Variants in PRSS3 observed in about 807,000 individuals in gnomAD.
PRSS3 encodes the protein trypsin-3.
PRSS3 carries 14 observed loss-of-function variants against 20.8 expected under a neutral mutation model. That is an observed-to-expected ratio of 0.67 (90% CI 0.44 to 1.05). The LOEUF (loss-of-function observed/expected upper bound fraction) is 1.05, where lower values mean the gene tolerates loss of function less well. PRSS3 is among the 50% of genes least tolerant of loss of function. PRSS3 has a pLI of 0.00. For synonymous variants in PRSS3, 91 were observed against 117.6 expected (o/e 0.77, Z 1.46); for missense variants, 237 against 306.4 (o/e 0.77, Z 1.69).
intron 1 of PRSS3, among the ~76,000 whole-genome samples, chr9:33,772,731 G>A (rs1298939369): frequency 1.3e-5 from 2 of 151,964 alleles, no homozygotes; most frequent in East Asian, 3.9e-4. Flanking sequence ...ATTCAAACAC[G>A]TGGTTGGAAC....
rs1372721083 is a variant in PRSS3 at position 33,750,712 on chromosome 9, G to A, written c.-68G>A. 1 of 1,447,312 alleles carries A rather than the reference G, an allele frequency of 6.9e-7. No individual in the cohort carries two copies. The highest frequency in any genetic ancestry group is 9.0e-7 in the Non-Finnish European group (1 of 1,106,002). The allele number at this position is 1,447,312 out of a possible 1,614,324, so 89.7% of individuals were successfully genotyped here. On this transcript the variant is annotated 5_prime_UTR_variant, in exon 1 of 6. Transcript: ENST00000342836. The surrounding 1 kb of genome is among the most constrained non-coding windows in gnomAD (Gnocchi z 4.8). The stretch of plus-strand genomic sequence containing the variant: ...AGCGGCGCGGGATGCAGACGGCTGC[G>A]AGGCGCTGGGCACAGGTCAGACGTC...
intron 1 of PRSS3, among the ~76,000 whole-genome samples, chr9:33,771,793 T>C (rs1432962442): frequency 6.6e-6 from 1 of 151,342 alleles, no homozygotes; most frequent in Non-Finnish European, 1.5e-5. Flanking sequence ...TCTTTTCTTT[T>C]CTTTTCTTTT....
chr9:33,798,647 AG>A (rs1825155218), intron 4 of PRSS3, 25 bp downstream of exon 4: 2 of 1,613,198 alleles, frequency 1.2e-6, no homozygotes, highest in South Asian at 2.2e-5. Flanking sequence ...TCCCATGCTG[AG>A]GCTCCCACCG....
chr9:33,756,148 A>G (rs1822935877), intron 1 of PRSS3, among the ~76,000 whole-genome samples: 1 of 152,180 alleles, frequency 6.6e-6, no homozygotes, highest in Non-Finnish European at 1.5e-5. Flanking sequence ...CTTCCTTCAC[A>G]CTTGATTGCT....
chr9:33,796,497 C>G, intron 1 of PRSS3, 146 bp from the exon 2 acceptor site: 2 of 1,289,926 alleles, frequency 1.6e-6, no homozygotes, highest in Non-Finnish European at 2.2e-6. Context: ...TCCAGTGATG[C>G]TCACCAGGGG....
chr9:33,757,567 G>A (rs555581573), intron 1 of PRSS3, among the ~76,000 whole-genome samples: 2 of 151,838 alleles, frequency 1.3e-5, no homozygotes, highest in African/African-American at 4.8e-5. Flanking sequence ...AGCTTCCTAA[G>A]GCCTCTCACT....
At chr9:33,793,797 G>C (rs1450902508), upstream of PRSS3, 1 of 779,636 alleles carries the variant, frequency 1.3e-6, no homozygotes, top group African/African-American at 1.9e-5. Flanking sequence ...TCTATAAATG[G>C]AAATAATTTT....
At chr9:33,752,002 T>G (rs1822722376) in intron 1 of PRSS3, among the ~76,000 whole-genome samples, 1 of 152,204 alleles carries the variant, frequency 6.6e-6, no homozygotes, top group South Asian at 2.1e-4. Context: ...CAGAGGTGCC[T>G]GAGATAAGCA....
chr9:33,775,273 A>AT (rs1563961528), intron 1 of PRSS3, among the ~76,000 whole-genome samples: 2 of 152,172 alleles, frequency 1.3e-5, no homozygotes, highest in Non-Finnish European at 2.9e-5. Context: ...AGCTCAGCCA[A>AT]TGACTTTTAA....
At chr9:33,771,873 CTT>C (rs74178902) in intron 1 of PRSS3, among the ~76,000 whole-genome samples, 10 of 128,288 alleles carry the variant, frequency 7.8e-5, no homozygotes, top group Admixed American at 1.6e-4. Context: ...TCTTTCTTTT[CTT>C]TTTTTTTTTT....
At chr9:33,781,630 C>A (rs1228577377) in intron 1 of PRSS3, among the ~76,000 whole-genome samples, 4 of 152,084 alleles carry the variant, frequency 2.6e-5, no homozygotes, top group African/African-American at 4.8e-5. Flanking sequence ...TTCATATGTA[C>A]CCTCTGTATA....
chr9:33,751,206 A>G (rs1450231447), intron 1 of PRSS3, among the ~76,000 whole-genome samples: 1 of 152,178 alleles, frequency 6.6e-6, no homozygotes, highest in Non-Finnish European at 1.5e-5. Flanking sequence ...CACAGCTCAC[A>G]TAGCTCTGGG....
Position 33,797,815 on chromosome 9 carries a change from G to A in PRSS3, c.201-14G>A, listed in dbSNP as rs772207503. ...GTGGGAGAAGGTCTTCACCATGCCT[G>A]CCCTGCCCATCAGCCGCATCCAGGT... On this transcript the variant is annotated splice_polypyrimidine_tract_variant and intron_variant, in intron 2 of 4. Transcript: ENST00000379405. The A allele has an allele frequency of 3.7e-6, 6 of 1,614,252 alleles. No homozygotes were observed. In the South Asian group the frequency reaches 4.4e-5, roughly 12 times the overall value.
At chr9:33,760,485 G>T (rs1344840887) in intron 1 of PRSS3, among the ~76,000 whole-genome samples, 1 of 152,070 alleles carries the variant, frequency 6.6e-6, no homozygotes, top group African/African-American at 2.4e-5. Flanking sequence ...GGTGGCTCAC[G>T]CCTGTAATCC....
chr9:33,798,450 T>C, intron 3 of PRSS3, 36 bp from the exon 4 acceptor site: 1 of 1,612,960 alleles, frequency 6.2e-7, no homozygotes, highest in Non-Finnish European at 8.5e-7. Flanking sequence ...CTCACCCACA[T>C]TTCTACTTTC....
At chr9:33,771,405 A>G (rs1321199270) in intron 1 of PRSS3, among the ~76,000 whole-genome samples, 2 of 151,268 alleles carry the variant, frequency 1.3e-5, no homozygotes, top group Non-Finnish European at 2.9e-5. Flanking sequence ...AGCTCACTGC[A>G]ACCTCTGCCT....
chr9:33,796,476 T>C (rs1587401392), intron 1 of PRSS3, among the ~76,000 whole-genome samples, 167 bp from the exon 2 acceptor site: 1 of 152,208 alleles, frequency 6.6e-6, no homozygotes, highest in Admixed American at 6.5e-5. Flanking sequence ...CACAGAGACT[T>C]GGGAGCCACA....
At chr9:33,798,776 G>A (rs1563971169) in intron 4 of PRSS3, 154 bp downstream of exon 4, 3 of 1,289,338 alleles carry the variant, frequency 2.3e-6, no homozygotes, top group Non-Finnish European at 3.3e-6. Flanking sequence ...GCGGCTCCCT[G>A]CATTGCCCCC....
intron 1 of PRSS3, among the ~76,000 whole-genome samples, chr9:33,775,012 G>A (rs1196808653): frequency 6.8e-6 from 1 of 148,000 alleles, no homozygotes; most frequent in Non-Finnish European, 1.5e-5. Flanking sequence ...TGAGGAGAAG[G>A]CCTTCCAGTT....
Sources: gnomAD v4.1 joint callset for allele counts (sites outside exome capture counted in the v4.1 genomes callset) on GRCh38, gnomAD v4.1.1 for gene constraint, Gnocchi (gnomAD v3.1) non-coding constraint, MANE v1.5 for transcripts, NCBI Gene and HGNC (gene_info 2026-07-23, HGNC 2026-07-21) for gene names.